Variants in ZFYVE16 observed in about 807,000 individuals in gnomAD.
ZFYVE16 encodes zinc finger FYVE domain-containing protein 16.
In ZFYVE16, 89 loss-of-function variants were observed where a neutral mutation model predicts 138.1. The observed-to-expected ratio is 0.64, with a 90% CI of 0.54 to 0.77. The LOEUF is 0.77. ZFYVE16 is among the 30% of genes least tolerant of loss of function. The probability of loss-of-function intolerance (pLI) is 0.00; values close to 1 mark genes in which losing one functional copy is unlikely to be tolerated. For synonymous variants in ZFYVE16, 596 were observed against 618.3 expected, an observed-to-expected ratio of 0.96 and a Z score of 0.53; for missense variants, 1,793 against 1,786.7, an observed-to-expected ratio of 1.00 and a Z score of -0.06.
chr5:80,454,033 A>G (rs1752255046), intron 11 of ZFYVE16: 1 of 152,204 alleles, frequency 6.6e-6, no homozygotes, highest in Admixed American at 6.5e-5. Flanking sequence ...AAAAGCTAGC[A>G]GTTAATCATT....
intron 1 of ZFYVE16, among the ~76,000 whole-genome samples, chr5:80,417,007 A>T (rs1746355153): frequency 6.6e-6 from 1 of 152,166 alleles, no homozygotes; most frequent in Non-Finnish European, 1.5e-5. Flanking sequence ...ATTTATATTG[A>T]TGTCTTCAGT....
chr5:80,441,002 C>T (rs1750649120), intron 5 of ZFYVE16: 1 of 985,208 alleles, frequency 1.0e-6, no homozygotes, highest in Admixed American at 6.2e-5. Context: ...TGGAAGATAA[C>T]AAAGCGTAAA....
At chr5:80,465,228 A>G (rs1753557418) in intron 15 of ZFYVE16, among the ~76,000 whole-genome samples, 1 of 151,782 alleles carries the variant, frequency 6.6e-6, no homozygotes, top group African/African-American at 2.4e-5. Flanking sequence ...TGCCAGCAAC[A>G]TATTTTCTCT....
chr5:80,461,982 C>CAA (rs368392774), intron 15 of ZFYVE16, among the ~76,000 whole-genome samples: 1 of 145,230 alleles, frequency 6.9e-6, no homozygotes, highest in African/African-American at 2.5e-5. Context: ...CAAAACAAAA[C>CAA]AAAAAAAAAA....
chr5:80,445,078 G>T (rs1208408148), intron 6 of ZFYVE16, among the ~76,000 whole-genome samples, 185 bp from the exon 7 acceptor site: 2 of 152,086 alleles, frequency 1.3e-5, no homozygotes, highest in Admixed American at 1.3e-4. Flanking sequence ...GAATTAGATA[G>T]AAACAGACTC....
rs1370196862 is a variant in ZFYVE16 at position 80,426,272 on chromosome 5, G to GTGTATATATA, written c.-93-1219_-93-1218insGTATATATAT. ...TGTGTGTGTGTGTGTGTGTGTGTGT[G>GTGTATATATA]TATATATATATATATATATATAATT... On this transcript the variant is annotated intron_variant, in intron 1 of 18. Coordinates refer to ENST00000505560, the MANE Select transcript of ZFYVE16 (RefSeq NM_001284236.3). Among the ~76,000 whole-genome samples, 96 of 26,430 alleles carry GTGTATATATA rather than the reference G, an allele frequency of 3.6e-3. 1 individual carries two copies. The highest frequency in any genetic ancestry group is 5.3e-3 in the African/African-American group (90 of 16,954). 17.3% of individuals were successfully genotyped at this position (26,430 alleles called of 152,430 possible). A position where few individuals can be genotyped will look rare whatever the true frequency, so the allele number is the denominator to read the frequency against.
At chr5:80,449,226 A>G (rs1052459975) in intron 8 of ZFYVE16, among the ~76,000 whole-genome samples, 11 of 152,258 alleles carry the variant, frequency 7.2e-5, no homozygotes, top group African/African-American at 2.6e-4. Flanking sequence ...ACGTGGCTCT[A>G]GACTACTTTC....
chr5:80,433,253 A>C (rs1749359992), intron 2 of ZFYVE16, among the ~76,000 whole-genome samples: 1 of 152,260 alleles, frequency 6.6e-6, no homozygotes. Flanking sequence ...AATACTATGC[A>C]GCCATAAAAG....
chr5:80,441,640 T>TA (rs1750722479), intron 5 of ZFYVE16: 3 of 984,678 alleles, frequency 3.0e-6, no homozygotes. Context: ...AGATTGTAGA[T>TA]AATGAGAAAG....
intron 2 of ZFYVE16, among the ~76,000 whole-genome samples, chr5:80,429,840 C>G (rs952454586): frequency 3.3e-5 from 5 of 151,606 alleles, no homozygotes; most frequent in African/African-American, 9.7e-5. Context: ...TCAAAAGAGA[C>G]AAAGCCATTA....
At chr5:80,463,874 CA>C (rs1289340667) in intron 15 of ZFYVE16, among the ~76,000 whole-genome samples, 1 of 152,162 alleles carries the variant, frequency 6.6e-6, no homozygotes, top group Non-Finnish European at 1.5e-5. Flanking sequence ...AGGGCAGGGG[CA>C]AAATTCTGCC....
In ZFYVE16 at chr5:80,438,834, A is replaced by G; in HGVS notation, c.2149A>G (p.Ser717Gly). Residue 717 changes from serine to glycine, a missense_variant, in exon 4 of 19, where the codon AGT becomes GGT. Physicochemically the swap from Ser to Gly is moderately conservative, Grantham distance 56. Around this residue, in one of 2 missense-constraint regions of ZFYVE16, gnomAD observed 1,295 missense variants for 1,204.3 expected, o/e 1.08. Transcript: ENST00000505560. ...AGAAAGTAATTCTGAAGGTGGATCT[A>G]GTTTCGTAACTGCAAATGAAGATTC... ...DIESNSEGGS[S>G]FVTANEDSVP... 1 of 1,614,094 alleles carries G rather than the reference A, an allele frequency of 6.2e-7. No homozygotes were observed. Among genetic ancestry groups the G allele is most frequent in the Non-Finnish European group, 8.5e-7 (1 of 1,179,968 alleles).
Position 80,482,881 on chromosome 5 carries a change from T to TA in ZFYVE16, c.*5505dup, listed in dbSNP as rs1406509284. 1.4e-4 allele frequency: 21 copies of TA among 151,942 alleles called. No individual in the cohort carries two copies. Among genetic ancestry groups the TA allele is most frequent in the Middle Eastern group, 3.4e-3 (1 of 294 alleles). 9.4% of individuals were successfully genotyped at this position (151,942 alleles called of 1,614,324 possible). A position where few individuals can be genotyped will look rare whatever the true frequency, so the allele number is the denominator to read the frequency against. On this transcript the variant is annotated 3_prime_UTR_variant, in exon 19 of 19. Transcript: ENST00000505560. ...TTTTTTTCTTTACTTTTTTTTTTTT[T>TA]ATGAGATGGAGTCTCACTCTGTTGC...
intron 11 of ZFYVE16, chr5:80,454,696 G>C: frequency 6.6e-6 from 1 of 152,410 alleles, no homozygotes; most frequent in Non-Finnish European, 1.5e-5. Context: ...ATTTTTAGTA[G>C]AGACAGGGTT....
chr5:80,471,492 T>C (rs995663404), intron 15 of ZFYVE16, among the ~76,000 whole-genome samples: 6 of 152,200 alleles, frequency 3.9e-5, no homozygotes, highest in African/African-American at 7.2e-5. Flanking sequence ...TCTCACCTCA[T>C]AATCAAATGA....
At chr5:80,422,497 C>A (rs929045022) in intron 1 of ZFYVE16, among the ~76,000 whole-genome samples, 3 of 152,140 alleles carry the variant, frequency 2.0e-5, no homozygotes, top group African/African-American at 7.2e-5. Flanking sequence ...GTCTGTTTCC[C>A]AGGCTGGAGT....
intron 10 of ZFYVE16, among the ~76,000 whole-genome samples, chr5:80,451,176 T>C (rs1259292359): frequency 6.6e-5 from 10 of 152,292 alleles, no homozygotes; most frequent in South Asian, 6.2e-4. Flanking sequence ...CTAGGAGATT[T>C]GATAATTTTT....
chr5:80,429,840 C>CAAAG (rs200188173), intron 2 of ZFYVE16, among the ~76,000 whole-genome samples: 121,544 of 151,676 alleles, frequency 0.8, 50,779 homozygotes, highest in East Asian at 0.92. Context: ...TCAAAAGAGA[C>CAAAG]AAAGCCATTA....
At chr5:80,439,072 T>C in intron 4 of ZFYVE16, 65 bp downstream of exon 4, 1 of 1,439,038 alleles carries the variant, frequency 6.9e-7, no homozygotes, top group Non-Finnish European at 9.3e-7. Flanking sequence ...TACAATGTGA[T>C]AGAAAAGGCT....
Sources: allele counts gnomAD v4.1 joint callset (sites outside exome capture counted in the v4.1 genomes callset), GRCh38; gene constraint gnomAD v4.1.1; regional missense constraint gnomAD v4.1.1; transcripts MANE v1.5; gene names NCBI Gene and HGNC (gene_info 2026-07-23, HGNC 2026-07-21).